Variants in ZC3H12C observed in about 807,000 individuals in gnomAD.
ZC3H12C encodes probable ribonuclease ZC3H12C.
A neutral mutation model predicts 76.3 loss-of-function variants in ZC3H12C; 20 were observed. That is an observed-to-expected ratio of 0.26 (90% CI 0.18 to 0.38). The LOEUF is 0.38. Ranked by LOEUF, ZC3H12C falls within the 10% of genes least tolerant of loss-of-function variation. The probability of loss-of-function intolerance (pLI) is 1.00; values close to 1 mark genes in which losing one functional copy is unlikely to be tolerated. For missense variants in ZC3H12C, 874 were observed against 1,086.5 expected, an observed-to-expected ratio of 0.80 and a Z score of 2.75; for synonymous variants, 352 against 399.6, an observed-to-expected ratio of 0.88 and a Z score of 1.42.
rs1409205925 is a variant in ZC3H12C, at chr11:110,164,006, A to G, written c.1256-335A>G. 6.6e-6 allele frequency among the ~76,000 whole-genome samples: 1 copy of G among 152,048 alleles called. No homozygotes were observed. Among genetic ancestry groups the G allele is most frequent in the Admixed American group, 6.5e-5 (1 of 15,268 alleles). On this transcript the variant is annotated intron_variant, in intron 5 of 5. Transcript: ENST00000278590. This position sits in a 1 kb window ranked among gnomAD's most constrained non-coding sequence, Gnocchi z 5.7. ...TCCCAGCTACTCAGATGGCCGAGGC[A>G]TAAGAATTGCTTGAACCCGAGAGGC...
At chr11:110,146,402 AG>A (rs1348330736) in intron 2 of ZC3H12C, among the ~76,000 whole-genome samples, 2 of 152,236 alleles carry the variant, frequency 1.3e-5, no homozygotes, top group African/African-American at 4.8e-5. Context: ...AGGAAAAACA[AG>A]CAAACAGATC....
intron 1 of ZC3H12C, among the ~76,000 whole-genome samples, chr11:110,107,007 A>G (rs1259941382): frequency 2.0e-5 from 3 of 152,224 alleles, no homozygotes; most frequent in African/African-American, 7.2e-5. Flanking sequence ...CTTGTTTTCT[A>G]ACACAGGTAT....
At chr11:110,108,318 C>CA (rs1353680019) in intron 1 of ZC3H12C, among the ~76,000 whole-genome samples, 1 of 152,142 alleles carries the variant, frequency 6.6e-6, no homozygotes, top group African/African-American at 2.4e-5. Context: ...GATATCTTTG[C>CA]AAGAGCACTG....
chr11:110,094,111 C>T (rs1861068569), intron 1 of ZC3H12C, among the ~76,000 whole-genome samples: 1 of 152,306 alleles, frequency 6.6e-6, no homozygotes, highest in East Asian at 1.9e-4. Context: ...GCATTTCTTC[C>T]CTAAGCTGTC....
intron 1 of ZC3H12C, among the ~76,000 whole-genome samples, chr11:110,129,492 A>G (rs1047258019): frequency 2.6e-5 from 4 of 152,188 alleles, no homozygotes; most frequent in African/African-American, 7.2e-5. Flanking sequence ...TTTTCCAACT[A>G]TTCACAAATG....
chr11:110,097,529 A>T (rs1237035436), intron 1 of ZC3H12C, among the ~76,000 whole-genome samples: 3 of 152,212 alleles, frequency 2.0e-5, no homozygotes, highest in Admixed American at 2.0e-4. Context: ...TTATTGTGCC[A>T]AGTATTGTTC....
In ZC3H12C at chr11:110,166,015, T is replaced by C. The variant is rs1287175660; in HGVS notation, c.*278T>C. The C allele has an allele frequency of 2.8e-6, 1 of 358,936 alleles. No homozygotes were observed. The highest frequency in any genetic ancestry group is 5.0e-6 in the Non-Finnish European group (1 of 198,288). The allele number at this position is 358,936 out of a possible 1,614,324, so 22.2% of individuals were successfully genotyped here. A position where few individuals can be genotyped will look rare whatever the true frequency, so the allele number is the denominator to read the frequency against. Reference sequence around the variant, plus strand: ...CAGTTTGATTTAATAGATGTATCTGTGATCTTTGATATTAATCTTTGGTGC... The same window carrying C: ...CAGTTTGATTTAATAGATGTATCTGCGATCTTTGATATTAATCTTTGGTGC... On this transcript the variant is annotated 3_prime_UTR_variant, in exon 6 of 6. Coordinates refer to ENST00000278590, the MANE Select transcript of ZC3H12C (RefSeq NM_033390.2).
chr11:110,102,504 C>T (rs770897479), intron 1 of ZC3H12C, among the ~76,000 whole-genome samples: 11 of 152,038 alleles, frequency 7.2e-5, no homozygotes, highest in Admixed American at 2.0e-4. Flanking sequence ...GTTGTGTCTT[C>T]TGGATAAGCA....
intron 5 of ZC3H12C, among the ~76,000 whole-genome samples, chr11:110,163,783 G>C (rs1252932389): frequency 6.6e-6 from 1 of 152,140 alleles, no homozygotes; most frequent in Non-Finnish European, 1.5e-5. Context: ...TAGGAGTTGA[G>C]GACACGGAGG....
At position 110,136,704 on chromosome 11, in the gene ZC3H12C, C is replaced by G. The variant is rs1244417097; in HGVS notation, c.63C>G (p.Ser21Arg). ...GCATTCAGGAATACAGAAAAAACAG[C>G]AAAGTGGAGTCAAGTACACGTAACA... ...VLCIQEYRKN[S>R]KVESSTRNNF... The change falls in exon 2 of 6, where the codon AGC (serine) becomes AGG (arginine). Residue 21 changes from serine to arginine, a missense_variant. Physicochemically the swap from Ser to Arg is moderately radical, Grantham distance 110 (BLOSUM62 -1). Transcript: ENST00000278590. The G allele has an allele frequency of 6.2e-7, 1 of 1,613,628 alleles. No homozygotes were observed. Among genetic ancestry groups the G allele is most frequent in the African/African-American group, 1.3e-5 (1 of 74,888 alleles).
intron 2 of ZC3H12C, among the ~76,000 whole-genome samples, chr11:110,148,242 C>A (rs1862206508): frequency 6.6e-6 from 1 of 152,190 alleles, no homozygotes; most frequent in Non-Finnish European, 1.5e-5. Flanking sequence ...CCTGTAAATA[C>A]ATCAATTTGT....
chr11:110,130,868 A>G, intron 1 of ZC3H12C: 1 of 628,444 alleles, frequency 1.6e-6, no homozygotes, highest in South Asian at 2.0e-5. Context: ...AAACCTACGA[A>G]CCTGACGCAG....
intron 1 of ZC3H12C, among the ~76,000 whole-genome samples, chr11:110,108,178 A>G (rs1402287497): frequency 6.7e-6 from 1 of 149,940 alleles, no homozygotes; most frequent in African/African-American, 2.5e-5. Context: ...CTGCTCTTGA[A>G]CTCCTGGGCT....
chr11:110,095,670 A>C (rs556410697), intron 1 of ZC3H12C, among the ~76,000 whole-genome samples: 1 of 152,334 alleles, frequency 6.6e-6, no homozygotes, highest in Non-Finnish European at 1.5e-5. Flanking sequence ...TGTGGAAAGT[A>C]CTAAGTTCCG....
At chr11:110,137,511 G>T in intron 2 of ZC3H12C, 97 bp downstream of exon 2, 1 of 1,370,800 alleles carries the variant, frequency 7.3e-7, no homozygotes, top group South Asian at 1.5e-5. Context: ...GGTCATTAAA[G>T]TCAACATTTT....
chr11:110,094,595 C>T (rs756463458), intron 1 of ZC3H12C, among the ~76,000 whole-genome samples: 1 of 152,152 alleles, frequency 6.6e-6, no homozygotes, highest in Non-Finnish European at 1.5e-5. Flanking sequence ...GGTATGACTT[C>T]CATTCATTTA....
intron 2 of ZC3H12C, among the ~76,000 whole-genome samples, chr11:110,147,427 A>G (rs562333807): frequency 1.3e-5 from 2 of 152,112 alleles, no homozygotes; most frequent in South Asian, 4.2e-4. Context: ...AGGGAGGGGA[A>G]TATCACACAC....
intron 1 of ZC3H12C, among the ~76,000 whole-genome samples, chr11:110,100,500 C>T (rs949474158): frequency 1.3e-5 from 2 of 152,100 alleles, no homozygotes; most frequent in African/African-American, 4.8e-5. Context: ...TTGTGGCAAC[C>T]GTAAGTCAAG....
At chr11:110,133,704 A>C (rs893496606) in intron 1 of ZC3H12C, among the ~76,000 whole-genome samples, 2 of 152,170 alleles carry the variant, frequency 1.3e-5, no homozygotes, top group South Asian at 2.1e-4. Context: ...ATTAAAAAAA[A>C]CTGAAAATCC....
Sources: gnomAD v4.1 joint callset for allele counts (sites outside exome capture counted in the v4.1 genomes callset) on GRCh38, gnomAD v4.1.1 for gene constraint, Gnocchi (gnomAD v3.1) non-coding constraint, MANE v1.5 for transcripts, NCBI Gene and HGNC (gene_info 2026-07-23, HGNC 2026-07-21) for gene names.